The following C1orf87 variants were observed in gnomAD, a reference collection of about 807,000 sequenced individuals.
The protein encoded by C1orf87 is uncharacterized protein C1orf87.
In C1orf87, 58 loss-of-function variants were observed where a neutral mutation model predicts 60.5. The observed-to-expected ratio is 0.96, with a 90% CI of 0.78 to 1.19. The LOEUF is 1.19. C1orf87 is among the 50% of genes most tolerant of loss of function. The pLI is 0.00. For missense variants in C1orf87, 673 were observed against 638.6 expected (o/e 1.05, Z -0.58); for synonymous variants, 236 against 227.4 (o/e 1.04, Z -0.34).
chr1:60,001,053 ACT>A, intron 10 of C1orf87, 22 bp downstream of exon 10: 1 of 1,587,184 alleles, frequency 6.3e-7, no homozygotes, highest in South Asian at 1.1e-5. Flanking sequence ...CTTCCCCCAA[ACT>A]CTATATACCC....
At chr1:60,023,944 C>T (rs1645181428) in intron 8 of C1orf87, among the ~76,000 whole-genome samples, 1 of 152,120 alleles carries the variant, frequency 6.6e-6, no homozygotes, top group African/African-American at 2.4e-5. Context: ...GGGGAGAAGA[C>T]ATTGTATTTT....
intron 11 of C1orf87, among the ~76,000 whole-genome samples, chr1:59,995,675 G>C (rs926418173): frequency 2.0e-5 from 3 of 152,096 alleles, no homozygotes; most frequent in Admixed American, 1.3e-4. Context: ...GCATTAGATG[G>C]TCAGCCTCAT....
chr1:60,055,590 C>T (rs566127549), intron 2 of C1orf87, 152 bp from the exon 3 acceptor site: 1 of 638,566 alleles, frequency 1.6e-6, no homozygotes, highest in African/African-American at 1.8e-5. Context: ...TTTGTCTATG[C>T]ATCATTGACC....
chr1:60,008,563 CAAG>C, intron 9 of C1orf87: 1 of 283,244 alleles, frequency 3.5e-6, no homozygotes. Flanking sequence ...GGTGTCCTTA[CAAG>C]AAGAGGAAAT....
intron 8 of C1orf87, among the ~76,000 whole-genome samples, chr1:60,019,476 A>G (rs1175386183): frequency 1.3e-5 from 2 of 152,314 alleles, no homozygotes; most frequent in Admixed American, 1.3e-4. Context: ...TGGTACCAGG[A>G]GAGTGGGGCA....
intron 3 of C1orf87, among the ~76,000 whole-genome samples, chr1:60,046,433 C>T (rs1435435076): frequency 7.9e-6 from 1 of 126,324 alleles, no homozygotes; most frequent in Non-Finnish European, 1.6e-5. Context: ...CTCCTTCCTT[C>T]CTTCTTCTTC....
chr1:60,016,259 C>A (rs1247910361), intron 8 of C1orf87, among the ~76,000 whole-genome samples: 1 of 152,146 alleles, frequency 6.6e-6, no homozygotes, highest in African/African-American at 2.4e-5. Context: ...AAAAGGAAAA[C>A]CAACTCATGG....
chr1:60,021,047 G>GTC (rs954379991), intron 8 of C1orf87, among the ~76,000 whole-genome samples: 19 of 151,872 alleles, frequency 1.3e-4, no homozygotes, highest in African/African-American at 3.4e-4. Context: ...CCCCCTCACT[G>GTC]TCTCTCTCTC....
intron 9 of C1orf87, among the ~76,000 whole-genome samples, chr1:60,009,073 A>T (rs899567315): frequency 6.6e-6 from 1 of 152,070 alleles, no homozygotes; most frequent in Non-Finnish European, 1.5e-5. Context: ...AGTCCTAATC[A>T]CTGGTACCTG....
At chr1:60,030,546 C>G (rs1340754466) in intron 7 of C1orf87, among the ~76,000 whole-genome samples, 1 of 152,206 alleles carries the variant, frequency 6.6e-6, no homozygotes, top group African/African-American at 2.4e-5. Flanking sequence ...AACCTATGTT[C>G]TAGCTAGCTC....
chr1:60,051,641 T>C (rs1233349109), intron 3 of C1orf87, among the ~76,000 whole-genome samples: 1 of 152,046 alleles, frequency 6.6e-6, no homozygotes, highest in Admixed American at 6.5e-5. Flanking sequence ...AGTTGTGGGG[T>C]GATTTGTTAC....
rs530141736 is a variant in C1orf87 at position 60,008,314 on chromosome 1, G to C, written c.1192+2078C>G. 2.0e-5 allele frequency among the ~76,000 whole-genome samples: 3 copies of C among 152,142 alleles called. No individual in the cohort carries two copies. In the East Asian group the frequency reaches 5.8e-4, roughly 29 times the overall value. On this transcript the variant is annotated intron_variant, in intron 9 of 11. Transcript: ENST00000371201. ...TTAGATATGAGAAAAATGAGTCAGA[G>C]AGAAATAAAATAAGTGTCCCAATAT...
At chr1:60,065,693 T>C (rs745845792) in intron 2 of C1orf87, among the ~76,000 whole-genome samples, 5 of 152,124 alleles carry the variant, frequency 3.3e-5, no homozygotes, top group Admixed American at 6.6e-5. Flanking sequence ...TCTAAAACCA[T>C]TAACTTTAAC....
At chr1:60,070,822 G>T (rs943125782) in intron 2 of C1orf87, among the ~76,000 whole-genome samples, 2 of 152,082 alleles carry the variant, frequency 1.3e-5, no homozygotes, top group Non-Finnish European at 2.9e-5. Context: ...CTTCCTATAA[G>T]ATAAAGCTAA....
At chr1:60,023,320 A>G (rs1460005014) in intron 8 of C1orf87, among the ~76,000 whole-genome samples, 1 of 151,886 alleles carries the variant, frequency 6.6e-6, no homozygotes, top group East Asian at 1.9e-4. Context: ...TGAGATTCCA[A>G]TTTCCCATGT....
In C1orf87 at chr1:60,049,691, A is replaced by G. The variant is rs370007108; in HGVS notation, c.342+5513T>C. Among the ~76,000 whole-genome samples the G allele has an allele frequency of 2.1e-3, 324 of 152,136 alleles. 16 individuals carry two copies. In the South Asian group the frequency reaches 0.066, roughly 31 times the overall value. On this transcript the variant is annotated intron_variant, in intron 3 of 11. Transcript: ENST00000371201. ...CTTATCCCAGATGATAGAAGAAATC[A>G]CTCATGTTTACTTGTACTATTTGTA... is the stretch of plus-strand genomic sequence containing the variant.
At chr1:59,994,320 A>T (rs1574290033) in intron 11 of C1orf87, among the ~76,000 whole-genome samples, 1 of 150,866 alleles carries the variant, frequency 6.6e-6, no homozygotes, top group African/African-American at 2.4e-5. Flanking sequence ...ATGTCATGGG[A>T]CTGGGTGTAG....
rs1044106237 is a variant in C1orf87 at position 60,063,069 on chromosome 1, T to G, written c.108-7631A>C. On this transcript the variant is annotated intron_variant, in intron 2 of 11. Coordinates refer to ENST00000371201, the MANE Select transcript of C1orf87 (RefSeq NM_152377.3). ...GTTTAATGCAGTGGAAAGGGCTTAA[T>G]AGAAGTATGATTTTAGCATACTACT... 5.1e-4 allele frequency among the ~76,000 whole-genome samples: 77 copies of G among 152,174 alleles called. 1 individual carries two copies. The highest frequency in any genetic ancestry group is 5.0e-3 in the Admixed American group (77 of 15,266).
At chr1:60,064,085 T>G (rs957389181) in intron 2 of C1orf87, among the ~76,000 whole-genome samples, 11 of 151,692 alleles carry the variant, frequency 7.3e-5, no homozygotes, top group African/African-American at 2.7e-4. Flanking sequence ...CCTCCCAGCC[T>G]ACATCTTTCT....
Sources: allele counts gnomAD v4.1 joint callset (sites outside exome capture counted in the v4.1 genomes callset), GRCh38; gene constraint gnomAD v4.1.1; transcripts MANE v1.5; gene names NCBI Gene and HGNC (gene_info 2026-07-23, HGNC 2026-07-21).